ADAMTS17: variants seen among roughly 807,000 people sequenced by gnomAD.
The protein encoded by ADAMTS17 is ADAM metallopeptidase with thrombospondin type 1 motif 17.
ADAMTS17 carries 113 observed loss-of-function variants against 141.5 expected under a neutral mutation model. That is an observed-to-expected ratio of 0.80 (90% confidence interval 0.69 to 0.93). The LOEUF is 0.93. Among genes scored for constraint, ADAMTS17 ranks in the 40% least tolerant of loss-of-function variants. The pLI, the probability that ADAMTS17 is intolerant of heterozygous loss-of-function variation, is 0.00. For synonymous variants in ADAMTS17, 768 were observed against 630.6 expected (o/e 1.22, Z -3.27); for missense variants, 1,659 against 1,517.9 (o/e 1.09, Z -1.54).
chr15:100,214,837 T>TC (rs2041920100), intron 7 of ADAMTS17, among the ~76,000 whole-genome samples: 1 of 152,254 alleles, frequency 6.6e-6, no homozygotes, highest in Non-Finnish European at 1.5e-5. Flanking sequence ...CCTGAGACGG[T>TC]CCTCGATTAT....
At chr15:100,330,743 G>C in intron 3 of ADAMTS17, 146 bp downstream of exon 3, 1 of 990,474 alleles carries the variant, frequency 1.0e-6, no homozygotes, top group South Asian at 1.7e-5. Context: ...GAAAGGAAAA[G>C]GAAGTGGTCT....
intron 3 of ADAMTS17, among the ~76,000 whole-genome samples, chr15:100,291,410 T>C (rs2044620649): frequency 6.6e-6 from 1 of 152,216 alleles, no homozygotes; most frequent in Non-Finnish European, 1.5e-5. Flanking sequence ...GAAATGTAAA[T>C]TAGTTTCAGC....
intron 18 of ADAMTS17, among the ~76,000 whole-genome samples, chr15:99,999,808 T>G (rs181811344): frequency 6.6e-5 from 10 of 152,050 alleles, no homozygotes; most frequent in Non-Finnish European, 1.5e-4. Flanking sequence ...CCAACTGGGG[T>G]GGCGCCGGCA....
intron 8 of ADAMTS17, among the ~76,000 whole-genome samples, chr15:100,160,375 A>G (rs1329347593): frequency 6.6e-6 from 1 of 152,232 alleles, no homozygotes; most frequent in East Asian, 1.9e-4. Flanking sequence ...CAGCTACCAG[A>G]AGGGTTTTTC....
chr15:100,043,673 C>T (rs2031448786), intron 18 of ADAMTS17, among the ~76,000 whole-genome samples: 1 of 152,192 alleles, frequency 6.6e-6, no homozygotes, highest in Admixed American at 6.5e-5. Flanking sequence ...ACTCAAAATA[C>T]AGAAAAAAAT....
chr15:100,111,192 TC>T (rs150048131), intron 13 of ADAMTS17, among the ~76,000 whole-genome samples: 1 of 152,224 alleles, frequency 6.6e-6, no homozygotes, highest in East Asian at 1.9e-4. Context: ...GGGGGGCACT[TC>T]CGGGGAAAGA....
chr15:100,086,718 G>T (rs2035126512), intron 15 of ADAMTS17, among the ~76,000 whole-genome samples: 1 of 149,380 alleles, frequency 6.7e-6, no homozygotes, highest in African/African-American at 2.5e-5. Flanking sequence ...CATGGAAACT[G>T]AAAAATATGC....
At chr15:100,060,633 G>A (rs114906917) in intron 15 of ADAMTS17, among the ~76,000 whole-genome samples, 1,899 of 152,300 alleles carry the variant, frequency 0.012, 33 homozygotes, top group African/African-American at 0.041. Context: ...AGCTTCACTG[G>A]AAGACCTGAC....
chr15:100,152,598 C>T lies in ADAMTS17; in HGVS notation c.1473+14G>A. Reference sequence around the variant, plus strand: ...CATGCTCTGTCCCGAGCCAGCCCTCCCACGGCTGCTTACCTCCATGTTTCT... The same window carrying T: ...CATGCTCTGTCCCGAGCCAGCCCTCTCACGGCTGCTTACCTCCATGTTTCT... On this transcript the variant is annotated intron_variant, in intron 10 of 21. Coordinates refer to ENST00000268070, the MANE Select transcript of ADAMTS17 (RefSeq NM_139057.4). The T allele has an allele frequency of 1.2e-6, 2 of 1,613,178 alleles. No individual in the cohort carries two copies. The highest frequency in any genetic ancestry group is 2.2e-5 in the East Asian group (1 of 44,866).
At chr15:100,069,126 T>G (rs1665457864) in intron 15 of ADAMTS17, among the ~76,000 whole-genome samples, 1 of 152,064 alleles carries the variant, frequency 6.6e-6, no homozygotes, top group Non-Finnish European at 1.5e-5. Flanking sequence ...TTCGGTCAAC[T>G]GGAAGAAAGG....
intron 7 of ADAMTS17, among the ~76,000 whole-genome samples, chr15:100,234,579 C>T (rs2042594905): frequency 6.6e-6 from 1 of 152,246 alleles, no homozygotes; most frequent in South Asian, 2.1e-4. Context: ...GAAAACGACT[C>T]CTTGGTCCAA....
At chr15:100,231,199 T>A (rs1449561061) in intron 7 of ADAMTS17, among the ~76,000 whole-genome samples, 1 of 152,254 alleles carries the variant, frequency 6.6e-6, no homozygotes, top group African/African-American at 2.4e-5. Context: ...TGTTATGGCC[T>A]ACGTTGCTTC....
intron 15 of ADAMTS17, among the ~76,000 whole-genome samples, chr15:100,066,621 C>T (rs143076610): frequency 3.3e-4 from 51 of 152,268 alleles, no homozygotes; most frequent in Admixed American, 7.8e-4. Context: ...TGTTCTTGGG[C>T]ATTTGATTCT....
intron 8 of ADAMTS17, among the ~76,000 whole-genome samples, chr15:100,176,530 C>A (rs1309588707): frequency 6.6e-6 from 1 of 152,176 alleles, no homozygotes; most frequent in African/African-American, 2.4e-5. Context: ...GTTGCATGCA[C>A]CCTTCCCCCA....
chr15:100,282,612 C>A (rs1288890448), intron 3 of ADAMTS17, among the ~76,000 whole-genome samples: 1 of 152,146 alleles, frequency 6.6e-6, no homozygotes, highest in East Asian at 1.9e-4. Flanking sequence ...ATTTTTGATG[C>A]CTGGTTGACC....
intron 8 of ADAMTS17, among the ~76,000 whole-genome samples, chr15:100,191,381 G>A (rs773327991): frequency 1.2e-4 from 19 of 152,210 alleles, no homozygotes; most frequent in Non-Finnish European, 2.6e-4. Flanking sequence ...ATACAGGTAG[G>A]ACTGCATGTG....
At chr15:100,113,607 C>T (rs1350695381) in intron 13 of ADAMTS17, among the ~76,000 whole-genome samples, 1 of 152,242 alleles carries the variant, frequency 6.6e-6, no homozygotes, top group East Asian at 1.9e-4. Context: ...TACCAGCTTC[C>T]ACACGGACAA....
intron 18 of ADAMTS17, among the ~76,000 whole-genome samples, chr15:100,013,495 C>T (rs1170655392): frequency 6.6e-6 from 1 of 152,166 alleles, no homozygotes; most frequent in Non-Finnish European, 1.5e-5. Context: ...AACTTTTCCC[C>T]ATCAGTACTG....
intron 3 of ADAMTS17, among the ~76,000 whole-genome samples, chr15:100,307,994 T>C (rs1298543495): frequency 6.6e-6 from 1 of 152,276 alleles, no homozygotes; most frequent in East Asian, 1.9e-4. Flanking sequence ...AGCTGGTGCA[T>C]ATCCTGCCAA....
Sources: gnomAD v4.1 joint callset for allele counts (sites outside exome capture counted in the v4.1 genomes callset) on GRCh38, gnomAD v4.1.1 for gene constraint, MANE v1.5 for transcripts, NCBI Gene and HGNC (gene_info 2026-07-23, HGNC 2026-07-21) for gene names.